Variants in FBN3 observed in about 807,000 individuals in gnomAD.
FBN3 encodes the protein fibrillin 3, also known as fibrillin-3.
A neutral mutation model predicts 330.1 loss-of-function variants in FBN3; 234 were observed. The observed-to-expected ratio is 0.71, with a 90% CI of 0.64 to 0.79. FBN3 has a LOEUF of 0.79. FBN3 is among the 30% of genes least tolerant of loss of function. FBN3 has a pLI of 0.00. For missense variants in FBN3, 3,606 were observed against 3,886.9 expected (o/e 0.93, Z 1.92); for synonymous variants, 1,458 against 1,517.3 (o/e 0.96, Z 0.91).
intron 8 of FBN3, among the ~76,000 whole-genome samples, 164 bp downstream of exon 8, chr19:8,141,553 G>C (rs2083415816): frequency 6.6e-6 from 1 of 152,122 alleles, no homozygotes; most frequent in African/African-American, 2.4e-5. Flanking sequence ...CCAGAACAGA[G>C]GCCGGACAGG....
At chr19:8,141,143 C>A (rs1191787709) in intron 8 of FBN3, among the ~76,000 whole-genome samples, 1 of 138,814 alleles carries the variant, frequency 7.2e-6, no homozygotes, top group East Asian at 2.1e-4. Flanking sequence ...TGCAGTGAGC[C>A]GAGATCGCGC....
At chr19:8,145,726 G>C in intron 5 of FBN3, 117 bp downstream of exon 5, 1 of 631,646 alleles carries the variant, frequency 1.6e-6, no homozygotes, top group East Asian at 3.0e-5. Context: ...AACGTCCCCT[G>C]CAATCTCCAG....
chr19:8,085,563 C>T lies in FBN3; in HGVS notation c.6887G>A (p.Arg2296Gln), dbSNP rs772488717. 29 of 1,563,740 alleles carry T rather than the reference C, an allele frequency of 1.9e-5. No individual in the cohort carries two copies. Among genetic ancestry groups the T allele is most frequent in the African/African-American group, 2.7e-5 (2 of 73,874 alleles). Residue 2296 changes from arginine (R) to glutamine (Q), a missense_variant, in exon 56 of 64, where the codon CGG (arginine) becomes CAG (glutamine). Coordinates refer to ENST00000600128, the MANE Select transcript of FBN3 (RefSeq NM_032447.5). The part of the protein sequence containing the change: ...SPTLTECHDI[R>Q]QGPCFAEVLQ... ...CACCTCGGCAAAGCAGGGCCCCTGC[C>T]GGATGTCTGCAGAGAACAATGGGAA...
At chr19:8,095,558 C>T in intron 45 of FBN3, 55 bp from the exon 46 acceptor site, 1 of 1,587,790 alleles carries the variant, frequency 6.3e-7, no homozygotes, top group Non-Finnish European at 8.6e-7. Flanking sequence ...AGGGATCAAA[C>T]CTTCCTTGTA....
intron 32 of FBN3, 101 bp from the exon 33 acceptor site, chr19:8,111,284 G>A (rs2082576159): frequency 7.0e-7 from 1 of 1,419,462 alleles, no homozygotes. Flanking sequence ...CTGTCAGCCA[G>A]AGTCCCAGGC....
At position 8,131,806 on chromosome 19, in the gene FBN3, C is replaced by G. The variant is rs143761441; in HGVS notation, c.1738G>C (p.Gly580Arg). ...CMDIDECQTP[G>R]ICVNGHCTNT... ...GTACAGTGGCCGTTCACGCAGATGC[C>G]GGGCGTCTGGCACTCGTCAATGTCT... The change falls in exon 15 of 64, where the codon GGC becomes CGC. Residue 580 changes from glycine to arginine, a missense_variant. Gly to Arg is a moderately radical substitution (Grantham distance 125). Coordinates refer to ENST00000600128, the MANE Select transcript of FBN3 (RefSeq NM_032447.5). The surrounding 1 kb of genome is among the most constrained non-coding windows in gnomAD (Gnocchi z 4.5). 1 of 1,600,752 alleles carries G rather than the reference C, an allele frequency of 6.2e-7. No individual in the cohort carries two copies. Among genetic ancestry groups the G allele is most frequent in the Non-Finnish European group, 8.5e-7 (1 of 1,170,476 alleles).
chr19:8,083,330 C>G lies in FBN3; in HGVS notation c.7130G>C (p.Gly2377Ala), dbSNP rs1234962394. The G allele has an allele frequency of 1.9e-6, 3 of 1,614,104 alleles. No homozygotes were observed. Among genetic ancestry groups the G allele is most frequent in the Non-Finnish European group, 2.5e-6 (3 of 1,180,014 alleles). The change falls in exon 57 of 64, where the codon GGG (glycine) becomes GCG (alanine). Residue 2377 changes from glycine to alanine, a missense_variant. Gly to Ala is a moderately conservative substitution (Grantham distance 60). Transcript: ENST00000600128. ...CRMLAHLCAH[G>A]ECINSLGSFR... ...GGAGCCAAGGCTGTTGATGCACTCC[C>G]CATGAGCACACAGGTGAGCAAGCAT...
In FBN3 at chr19:8,131,770, C is replaced by T. The variant is rs867941972; in HGVS notation, c.1774G>A (p.Gly592Ser). The change falls in exon 15 of 64, where the codon GGC (glycine) becomes AGC (serine). Residue 592 changes from glycine (G) to serine (S), a missense_variant. Transcript: ENST00000600128. The surrounding 1 kb of genome is among the most constrained non-coding windows in gnomAD (Gnocchi z 4.5). Reference protein sequence around the residue: ...CVNGHCTNTEGSFRCQCLGGL... With the variant: ...CVNGHCTNTESSFRCQCLGGL... ...CCCAGGCACTGGCAGCGGAAGGAGC[C>T]CTCGGTGTTGGTACAGTGGCCGTTC... The T allele has an allele frequency of 6.2e-7, 1 of 1,613,124 alleles. No individual in the cohort carries two copies. Among genetic ancestry groups the T allele is most frequent in the East Asian group, 2.2e-5 (1 of 44,854 alleles).
At chr19:8,106,817 A>G (rs1312636402) in intron 37 of FBN3, among the ~76,000 whole-genome samples, 1 of 150,338 alleles carries the variant, frequency 6.7e-6, no homozygotes, top group African/African-American at 2.5e-5. Context: ...ATAGAAAGGG[A>G]GTAGGGAACG....
At chr19:8,083,726 G>A (rs538884557) in intron 56 of FBN3, among the ~76,000 whole-genome samples, 2 of 151,092 alleles carry the variant, frequency 1.3e-5, no homozygotes, top group Admixed American at 1.3e-4. Flanking sequence ...GGGAACACAC[G>A]CCAACACTCA....
At chr19:8,138,918 G>T (rs779767539) in intron 8 of FBN3, among the ~76,000 whole-genome samples, 16 of 152,032 alleles carry the variant, frequency 1.1e-4, no homozygotes, top group South Asian at 6.2e-4. Context: ...GTGGTGGCAG[G>T]CACTTGTAAT....
chr19:8,082,319 CTT>C (rs2081811540), intron 57 of FBN3, among the ~76,000 whole-genome samples: 1 of 150,738 alleles, frequency 6.6e-6, no homozygotes, highest in Non-Finnish European at 1.5e-5. Context: ...CTTTCTCTTT[CTT>C]TCTTTCTGTT....
At chr19:8,116,949 G>A in intron 28 of FBN3, 150 bp from the exon 29 acceptor site, 3 of 1,183,980 alleles carry the variant, frequency 2.5e-6, no homozygotes, top group Non-Finnish European at 3.5e-6. Flanking sequence ...CAGTTCTGAG[G>A]TTCTTTTCCA....
chr19:8,137,204 A>T (rs1377172263), intron 10 of FBN3, among the ~76,000 whole-genome samples: 1 of 150,096 alleles, frequency 6.7e-6, no homozygotes, highest in Non-Finnish European at 1.5e-5. Flanking sequence ...GATCCCTCCA[A>T]CCTGGGGCCT....
chr19:8,112,653 AAAAT>A (rs1311172060), intron 30 of FBN3, among the ~76,000 whole-genome samples: 2 of 152,288 alleles, frequency 1.3e-5, no homozygotes, highest in East Asian at 3.9e-4. Context: ...CCGTCTCAAA[AAAAT>A]AAATAAATAA....
At chr19:8,067,758 G>A (rs2081424135) in intron 63 of FBN3, among the ~76,000 whole-genome samples, 1 of 152,158 alleles carries the variant, frequency 6.6e-6, no homozygotes, top group South Asian at 2.1e-4. Flanking sequence ...AAAGCAGATA[G>A]TAGACAAATA....
Position 8,083,301 on chromosome 19 carries a change from G to A in FBN3, c.7159C>T (p.Arg2387Cys), listed in dbSNP as rs762044861. The change falls in exon 57 of 64, where the codon CGC (arginine) becomes TGC (cysteine). Residue 2387 changes from arginine to cysteine, a missense_variant. Physicochemically the swap from Arg to Cys is radical, Grantham distance 180. Transcript: ENST00000600128. ...GTGTACCCGGCCTGACAGTGGCAGC[G>A]GAAGGAGCCAAGGCTGTTGATGCAC... ...GECINSLGSF[R>C]CHCQAGYTPD... 9.9e-6 allele frequency: 16 copies of A among 1,614,018 alleles called. No homozygotes were observed. The highest frequency in any genetic ancestry group is 5.5e-5 in the South Asian group (5 of 91,092).
intron 41 of FBN3, 122 bp from the exon 42 acceptor site, chr19:8,097,536 A>G (rs894598247): frequency 8.9e-7 from 1 of 1,121,518 alleles, no homozygotes; most frequent in Non-Finnish European, 1.2e-6. Flanking sequence ...ACCAGCACAC[A>G]CTCAAGAAAA....
At position 8,125,971 on chromosome 19, in the gene FBN3, A is replaced by G; in HGVS notation, c.2652T>C (p.Arg884=). ...ESFPGVCPNG[R]CVNTAGSFRC... is the part of the protein sequence containing the mutation. ...GGAAAGACCCAGCAGTGTTGACGCA[A>G]CGCCCGTTGGGACAGACTCCCGGGA... The change falls in exon 22 of 64, where the codon CGT becomes CGC. Residue 884 remains arginine (R), a synonymous_variant. Transcript: ENST00000600128. 6.2e-7 allele frequency: 1 copy of G among 1,613,898 alleles called. No homozygotes were observed. Among genetic ancestry groups the G allele is most frequent in the African/African-American group, 1.3e-5 (1 of 75,000 alleles).
Sources: allele counts gnomAD v4.1 joint callset (sites outside exome capture counted in the v4.1 genomes callset), GRCh38; gene constraint gnomAD v4.1.1; non-coding constraint Gnocchi (gnomAD v3.1); transcripts MANE v1.5; gene names NCBI Gene and HGNC (gene_info 2026-07-23, HGNC 2026-07-21).